The following SPATA13 variants were observed in gnomAD, a reference collection of about 807,000 sequenced individuals.
The protein encoded by SPATA13 is spermatogenesis associated 13, also known as spermatogenesis-associated protein 13.
A neutral mutation model predicts 104.0 loss-of-function variants in SPATA13; 50 were observed. The ratio of observed to expected loss-of-function variants is 0.48; its 90% CI spans 0.38 to 0.61. SPATA13 has a LOEUF of 0.61. SPATA13 is among the 20% of genes least tolerant of loss of function. SPATA13 has a pLI of 0.00. For missense variants in SPATA13, 1,524 were observed against 1,690.6 expected, an observed-to-expected ratio of 0.90 and a Z score of 1.73; for synonymous variants, 606 against 667.5, an observed-to-expected ratio of 0.91 and a Z score of 1.42.
intron 3 of SPATA13, among the ~76,000 whole-genome samples, chr13:24,126,525 G>C (rs553571121): frequency 1.3e-5 from 2 of 152,056 alleles, no homozygotes; most frequent in Non-Finnish European, 2.9e-5. Flanking sequence ...AAGCATTTAC[G>C]TATATATATT....
At chr13:24,137,374 C>G (rs1881608518) in intron 3 of SPATA13, among the ~76,000 whole-genome samples, 1 of 152,130 alleles carries the variant, frequency 6.6e-6, no homozygotes, top group Non-Finnish European at 1.5e-5. Context: ...TCTCTTCAGC[C>G]AGAAAGGATT....
At chr13:24,134,202 T>C (rs1363241913) in intron 3 of SPATA13, among the ~76,000 whole-genome samples, 1 of 152,168 alleles carries the variant, frequency 6.6e-6, no homozygotes, top group Non-Finnish European at 1.5e-5. Context: ...CTCCCCAGCA[T>C]GAGGACTTCG....
At chr13:24,041,265 A>G (rs745440055) in intron 3 of SPATA13, among the ~76,000 whole-genome samples, 2 of 152,234 alleles carry the variant, frequency 1.3e-5, no homozygotes, top group Non-Finnish European at 2.9e-5. Context: ...TTTAATTGTT[A>G]TATAAGTTAT....
chr13:24,054,192 G>A (rs1250542497), intron 3 of SPATA13, among the ~76,000 whole-genome samples: 1 of 152,152 alleles, frequency 6.6e-6, no homozygotes, highest in East Asian at 1.9e-4. Flanking sequence ...CCAGAAGCCC[G>A]GAGTTCCCAT....
rs548887595 is a variant in SPATA13 at position 24,153,697 on chromosome 13, G to A, written c.-111-69122G>A. On this transcript the variant is annotated intron_variant, in intron 3 of 14. Coordinates refer to the SPATA13 transcript ENST00000424834. ...ATCTCTGAAGCCATATGTATGAAGA[G>A]CACATACTTTATGTGGATCTACACA... 2.9e-4 allele frequency among the ~76,000 whole-genome samples: 36 copies of A among 124,244 alleles called. 1 individual carries two copies. In the South Asian group the frequency reaches 8.5e-3, roughly 29 times the overall value. The allele number at this position is 124,244 out of a possible 152,430, so 81.5% of individuals were successfully genotyped here.
Position 24,224,102 on chromosome 13 carries a change from C to G in SPATA13, c.1173C>G (p.Pro391=), listed in dbSNP as rs1448313390. The G allele has an allele frequency of 6.4e-7, 1 of 1,551,342 alleles. No homozygotes were observed. Among genetic ancestry groups the G allele is most frequent in the Non-Finnish European group, 8.7e-7 (1 of 1,146,974 alleles). The change falls in exon 2 of 13, where the codon CCC becomes CCG. Residue 391 remains proline (P), a synonymous_variant. Transcript: ENST00000382108. ...HGTTATCTVA[P]GFGSATSKGP... ...CCACTGCAACCTGCACCGTGGCCCC[C>G]GGTTTCGGCTCAGCCACCTCTAAGG...
chr13:24,185,173 A>G (rs1566138120), intron 1 of SPATA13, among the ~76,000 whole-genome samples: 5 of 152,132 alleles, frequency 3.3e-5, no homozygotes. Context: ...CCTGTGACGT[A>G]TTTTTGTGCT....
At chr13:24,270,316 CTT>C (rs1057266397) in intron 4 of SPATA13, among the ~76,000 whole-genome samples, 2 of 152,248 alleles carry the variant, frequency 1.3e-5, no homozygotes, top group Admixed American at 1.3e-4. Flanking sequence ...CAAAATCACT[CTT>C]TTAAAGTGAT....
In SPATA13 at chr13:24,290,741, C is replaced by G; in HGVS notation, c.2937C>G (p.Tyr979Ter). ...ELANLMKQGK[Y>*]RHFFEACRLL... ...CCAACCTCATGAAGCAGGGCAAGTA[C>G]AGACATTTCTTTGAAGCCTGCCGCC... Residue 979 changes from tyrosine to a stop codon, truncating the protein, a stop_gained, in exon 9 of 13, where the codon TAC becomes TAG. Transcript: ENST00000382108. LOFTEE classifies it high-confidence loss of function. 6.2e-7 allele frequency: 1 copy of G among 1,614,228 alleles called. No homozygotes were observed. The highest frequency in any genetic ancestry group is 8.5e-7 in the Non-Finnish European group (1 of 1,180,044).
chr13:24,034,324 A>G (rs1384251266), intron 3 of SPATA13: 1 of 152,204 alleles, frequency 6.6e-6, no homozygotes, highest in Non-Finnish European at 1.5e-5. Context: ...AATGGAAAAG[A>G]AAGTTAATAA....
At chr13:23,983,399 G>A (rs1282025541) in intron 1 of SPATA13, among the ~76,000 whole-genome samples, 3 of 152,062 alleles carry the variant, frequency 2.0e-5, no homozygotes, top group Admixed American at 6.5e-5. Context: ...CTCAATTACC[G>A]CTATGAAGGC....
chr13:24,294,398 TAAAG>T (rs1261868450), intron 9 of SPATA13, among the ~76,000 whole-genome samples: 1 of 152,274 alleles, frequency 6.6e-6, no homozygotes, highest in Non-Finnish European at 1.5e-5. Context: ...AGAGCCATAA[TAAAG>T]ACTGTTCTTT....
rs534591126 is a variant in SPATA13 at position 24,065,005 on chromosome 13, A to AT, written c.-112+47305dup. Reference sequence around the variant, plus strand: ...GTCACAGGCCACAGGAGCCAGGATAATGAAATGCAACGTGACATCCTGGAT... The same window carrying AT: ...GTCACAGGCCACAGGAGCCAGGATAATTGAAATGCAACGTGACATCCTGGAT... On this transcript the variant is annotated intron_variant, in intron 3 of 14. Coordinates refer to the SPATA13 transcript ENST00000424834. 1.4e-3 allele frequency among the ~76,000 whole-genome samples: 146 copies of AT among 102,860 alleles called. 2 individuals are homozygous for AT. Among genetic ancestry groups the AT allele is most frequent in the African/African-American group, 4.5e-3 (138 of 30,832 alleles). The allele number at this position is 102,860 out of a possible 152,430, so 67.5% of individuals were successfully genotyped here. A position where few individuals can be genotyped will look rare whatever the true frequency, so the allele number is the denominator to read the frequency against.
intron 3 of SPATA13, among the ~76,000 whole-genome samples, chr13:24,149,400 C>T (rs908461910): frequency 7.2e-5 from 11 of 152,100 alleles, no homozygotes; most frequent in Non-Finnish European, 1.0e-4. Flanking sequence ...GGGCTGTGGT[C>T]GGAAGTTTGA....
rs1295086407 is a variant in SPATA13 at position 24,302,743 on chromosome 13, C to G, written c.3804C>G (p.Thr1268=). Residue 1268 remains threonine, a synonymous_variant, in exon 13 of 13, where the codon ACC becomes ACG. Coordinates refer to ENST00000382108, the MANE Select transcript of SPATA13 (RefSeq NM_001166271.3). ...GGAAGTCCTCGCTCTTCTGGCACAC[C>G]TTCAACAGGCTCACCCCCTTCCGGA... The part of the protein sequence containing the change: ...PKRKSSLFWH[T]FNRLTPFRK 6.2e-7 allele frequency: 1 copy of G among 1,614,052 alleles called. No individual in the cohort carries two copies. The highest frequency in any genetic ancestry group is 8.5e-7 in the Non-Finnish European group (1 of 1,180,046).
In SPATA13 at chr13:24,181,210, C is replaced by T. The variant is rs562436714; in HGVS notation, c.-112+20278C>T. Among the ~76,000 whole-genome samples the T allele has an allele frequency of 9.4e-4, 143 of 152,178 alleles. 1 individual carries two copies. Among genetic ancestry groups the T allele is most frequent in the African/African-American group, 3.4e-3 (140 of 41,512 alleles). On this transcript the variant is annotated intron_variant, in intron 1 of 12. Transcript: ENST00000382108. Reference sequence around the variant, plus strand: ...TGCGAAGGCCTAGGACATTGCTGTTCGCTGCTCTAAACTTTAGAAATACTG... The same window carrying T: ...TGCGAAGGCCTAGGACATTGCTGTTTGCTGCTCTAAACTTTAGAAATACTG...
chr13:24,038,360 CTA>C (rs34235959), intron 3 of SPATA13, among the ~76,000 whole-genome samples: 64,644 of 151,886 alleles, frequency 0.43, 14,840 homozygotes, highest in Non-Finnish European at 0.52. Flanking sequence ...TCCCTCTGTT[CTA>C]TGTTTACATT....
chr13:24,226,232 T>C (rs1871934537), intron 2 of SPATA13, among the ~76,000 whole-genome samples: 1 of 152,230 alleles, frequency 6.6e-6, no homozygotes, highest in African/African-American at 2.4e-5. Context: ...AGGCTGTCCC[T>C]GGCTTGAAGG....
intron 2 of SPATA13, among the ~76,000 whole-genome samples, chr13:24,248,912 C>T (rs1873315336): frequency 6.7e-6 from 1 of 149,620 alleles, no homozygotes; most frequent in Non-Finnish European, 1.5e-5. Context: ...AAGAGCCGTG[C>T]TCTTTCACCC....
Sources: gnomAD v4.1 joint callset for allele counts (sites outside exome capture counted in the v4.1 genomes callset) on GRCh38, gnomAD v4.1.1 for gene constraint, MANE v1.5 for transcripts, NCBI Gene and HGNC (gene_info 2026-07-23, HGNC 2026-07-21) for gene names.